The following DAB2IP variants were observed in gnomAD, a reference collection of about 807,000 sequenced individuals.
DAB2IP encodes DAB2 interacting protein.
Under a neutral mutation model 107.2 loss-of-function variants are expected in DAB2IP, and 28 were observed. The ratio of observed to expected loss-of-function variants is 0.26; its 90% CI spans 0.19 to 0.36. The LOEUF is 0.36. Ranked by LOEUF, DAB2IP falls within the 10% of genes least tolerant of loss-of-function variation. The probability of loss-of-function intolerance (pLI) is 1.00; values close to 1 mark genes in which losing one functional copy is unlikely to be tolerated. For synonymous variants in DAB2IP, 755 were observed against 706.4 expected (o/e 1.07, Z -1.09); for missense variants, 1,400 against 1,644.7 (o/e 0.85, Z 2.57).
chr9:121,725,968 G>C lies in DAB2IP; in HGVS notation c.362+26510G>C, dbSNP rs527546970. On this transcript the variant is annotated intron_variant, in intron 3 of 15. Transcript: ENST00000408936. ...TAGGTGTGGAAAGGTGTGACACTGG[G>C]AAATATATACAGTATTTGGTTTCTT... Among the ~76,000 whole-genome samples, 6 of 152,274 alleles carry C rather than the reference G, an allele frequency of 3.9e-5. No individual in the cohort carries two copies. In the South Asian group the frequency reaches 1.0e-3, roughly 26 times the overall value.
At chr9:121,593,665 TTTTTTTTC>T (rs1830462057) in intron 1 of DAB2IP, among the ~76,000 whole-genome samples, 1 of 75,922 alleles carries the variant, frequency 1.3e-5, no homozygotes, top group Non-Finnish European at 2.2e-5. Context: ...TCTTTTTTCT[TTTTTTTTC>T]TTTTTTTTTT....
intron 1 of DAB2IP, among the ~76,000 whole-genome samples, chr9:121,615,188 T>C (rs764345653): frequency 5.3e-5 from 8 of 152,220 alleles, no homozygotes; most frequent in South Asian, 4.1e-4. Flanking sequence ...CCTGGTAAGA[T>C]GCTTTGTAGA....
chr9:121,767,331 G>GAATC (rs1474467093), intron 9 of DAB2IP, among the ~76,000 whole-genome samples: 1 of 152,266 alleles, frequency 6.6e-6, no homozygotes, highest in East Asian at 1.9e-4. Flanking sequence ...GCACCAAGAT[G>GAATC]AATCAGTCCT....
chr9:121,707,571 G>T (rs897603958), intron 3 of DAB2IP, among the ~76,000 whole-genome samples: 5 of 152,226 alleles, frequency 3.3e-5, no homozygotes, highest in African/African-American at 7.2e-5. Context: ...GGCTGGGCCT[G>T]ATTGTAAAAG....
chr9:121,755,677 G>C (rs1319278177), intron 3 of DAB2IP, among the ~76,000 whole-genome samples: 1 of 152,168 alleles, frequency 6.6e-6, no homozygotes, highest in Non-Finnish European at 1.5e-5. Context: ...GGTGGCTACT[G>C]TCAGCCTGAG....
intron 2 of DAB2IP, among the ~76,000 whole-genome samples, chr9:121,686,526 A>C (rs1214988966): frequency 1.3e-5 from 2 of 152,132 alleles, no homozygotes; most frequent in East Asian, 3.9e-4. Context: ...TGGCGAGTGG[A>C]ATGCTCTCTG....
intron 1 of DAB2IP, among the ~76,000 whole-genome samples, chr9:121,636,655 G>C (rs1432289424): frequency 6.6e-6 from 1 of 152,220 alleles, no homozygotes. Flanking sequence ...TTGGCCTGTG[G>C]GTGCATGGGG....
chr9:121,663,467 C>T (rs934444970), intron 1 of DAB2IP, among the ~76,000 whole-genome samples: 1 of 152,170 alleles, frequency 6.6e-6, no homozygotes, highest in Non-Finnish European at 1.5e-5. Context: ...TGTTGAGGAT[C>T]CTCCGGGCAG....
chr9:121,756,397 T>G (rs1390420565), intron 3 of DAB2IP, among the ~76,000 whole-genome samples: 1 of 151,886 alleles, frequency 6.6e-6, no homozygotes, highest in South Asian at 2.1e-4. Flanking sequence ...CCCGATGGAG[T>G]GTGTGTCTTG....
At chr9:121,709,561 A>G (rs1394538655) in intron 3 of DAB2IP, among the ~76,000 whole-genome samples, 1 of 152,216 alleles carries the variant, frequency 6.6e-6, no homozygotes, top group Non-Finnish European at 1.5e-5. Flanking sequence ...CCTACAGCTC[A>G]TAAGTGGCAG....
chr9:121,606,747 A>G (rs1298595474), intron 1 of DAB2IP, among the ~76,000 whole-genome samples: 1 of 150,262 alleles, frequency 6.7e-6, no homozygotes, highest in Non-Finnish European at 1.5e-5. Context: ...AGGTGGGACC[A>G]GGGAGAATGG....
rs1295307122 is a variant in DAB2IP at position 121,699,628 on chromosome 9, G to A, written c.362+170G>A. Reference sequence around the variant, plus strand: ...CCACCTCGGCCGGACTAGGGGGCCCGAGGGGAGGACCCTGTGCCTCCCTCC... The same window carrying A: ...CCACCTCGGCCGGACTAGGGGGCCCAAGGGGAGGACCCTGTGCCTCCCTCC... On this transcript the variant is annotated intron_variant, in intron 3 of 15. Transcript: ENST00000408936. The surrounding 1 kb of genome is among the most constrained non-coding windows in gnomAD (Gnocchi z 6.2). Among the ~76,000 whole-genome samples the A allele has an allele frequency of 6.6e-6, 1 of 152,032 alleles. No individual in the cohort carries two copies. The highest frequency in any genetic ancestry group is 1.5e-5 in the Non-Finnish European group (1 of 67,976).
chr9:121,574,333 C>T (rs1168272456), intron 1 of DAB2IP, among the ~76,000 whole-genome samples: 4 of 152,108 alleles, frequency 2.6e-5, no homozygotes, highest in Admixed American at 2.6e-4. Context: ...ATCTGTGAAA[C>T]TGACACCAGC....
exon 15 of DAB2IP, chr9:121,781,536 G>C (rs774379475): frequency 6.2e-7 from 1 of 1,613,974 alleles, no homozygotes; most frequent in Non-Finnish European, 8.5e-7. Context: ...CCAAACAGAA[G>C]ATCATTGATG....
Position 121,692,888 on chromosome 9 carries a change from A to G in DAB2IP, c.229-6437A>G, listed in dbSNP as rs554406991. Among the ~76,000 whole-genome samples, 4 of 152,348 alleles carry G rather than the reference A, an allele frequency of 2.6e-5. No homozygotes were observed. In the East Asian group the frequency reaches 7.7e-4, roughly 29 times the overall value. ...GGGGAACAGGGAAGGGGAGGGCAGG[A>G]GGAATGACGCATCTGAAGGATTTGG... is the stretch of plus-strand genomic sequence containing the variant. On this transcript the variant is annotated intron_variant, in intron 2 of 15. Coordinates refer to ENST00000408936, the Ensembl canonical transcript of DAB2IP.
At chr9:121,638,420 G>T (rs572789645) in intron 1 of DAB2IP, among the ~76,000 whole-genome samples, 18 of 152,324 alleles carry the variant, frequency 1.2e-4, no homozygotes, top group African/African-American at 4.3e-4. Flanking sequence ...CTGGGATACC[G>T]AGAGACGCCT....
At chr9:121,572,628 C>T (rs1444357541) in intron 1 of DAB2IP, among the ~76,000 whole-genome samples, 1 of 152,156 alleles carries the variant, frequency 6.6e-6, no homozygotes, top group Non-Finnish European at 1.5e-5. Flanking sequence ...GACCAAGTCC[C>T]TGCCCTGACT....
rs1033518391 is a variant in DAB2IP, at chr9:121,603,542, A to T, written c.40+36314A>T. On this transcript the variant is annotated intron_variant, in intron 1 of 16. Coordinates refer to the DAB2IP transcript ENST00000259371. ...GGAGCGGTGATAAGAGTCAGGACCT[A>T]AATCCAGGTGCCTTGACAATAAGGC... Among the ~76,000 whole-genome samples the T allele has an allele frequency of 3.7e-4, 57 of 152,160 alleles. 2 individuals carry two copies. The highest frequency in any genetic ancestry group is 3.7e-3 in the Admixed American group (57 of 15,274).
At chr9:121,755,337 C>T (rs1187942786) in intron 3 of DAB2IP, among the ~76,000 whole-genome samples, 2 of 152,350 alleles carry the variant, frequency 1.3e-5, no homozygotes, top group East Asian at 3.9e-4. Context: ...ACATGCTGGG[C>T]TTGTCCATGG....
Sources: allele counts gnomAD v4.1 joint callset (sites outside exome capture counted in the v4.1 genomes callset), GRCh38; gene constraint gnomAD v4.1.1; non-coding constraint Gnocchi (gnomAD v3.1); transcripts MANE v1.5; gene names NCBI Gene and HGNC (gene_info 2026-07-23, HGNC 2026-07-21).